AMPH: variants seen among roughly 807,000 people sequenced by gnomAD.
The protein encoded by AMPH is amphiphysin (Stiff-Mann syndrome with breast cancer 128kD autoantigen).
A neutral mutation model predicts 99.1 loss-of-function variants in AMPH; 49 were observed. That is an observed-to-expected ratio of 0.49 (90% CI 0.39 to 0.63). AMPH has a LOEUF of 0.63. Among genes scored for constraint, AMPH ranks in the 20% least tolerant of loss-of-function variants. The probability of loss-of-function intolerance (pLI) is 0.00; values close to 1 mark genes in which losing one functional copy is unlikely to be tolerated. For synonymous variants in AMPH, 314 were observed against 317.3 expected, an observed-to-expected ratio of 0.99 and a Z score of 0.11; for missense variants, 759 against 863.4, an observed-to-expected ratio of 0.88 and a Z score of 1.52.
rs548832643 is a variant in AMPH, at chr7:38,488,571, A to G, written c.396+2479T>C. 6.6e-5 allele frequency among the ~76,000 whole-genome samples: 10 copies of G among 152,216 alleles called. No homozygotes were observed. In the South Asian group the frequency reaches 2.1e-3, roughly 32 times the overall value. On this transcript the variant is annotated intron_variant, in intron 5 of 20. Transcript: ENST00000356264. The stretch of plus-strand genomic sequence containing the variant: ...GCCTTAGGAGAAATACCTAATGCAG[A>G]TGATGCGTTGATGGGTGCGGCAAAC...
chr7:38,590,402 G>A (rs2129057780), intron 1 of AMPH, among the ~76,000 whole-genome samples: 1 of 152,286 alleles, frequency 6.6e-6, no homozygotes, highest in Non-Finnish European at 1.5e-5. Flanking sequence ...CAGCAGTGGT[G>A]GATGGTGAGT....
At chr7:38,449,031 G>T (rs1372439066) in intron 11 of AMPH, among the ~76,000 whole-genome samples, 2 of 152,160 alleles carry the variant, frequency 1.3e-5, no homozygotes, top group Admixed American at 6.5e-5. Context: ...AAGGAAGAGG[G>T]ATAGGGCCTA....
chr7:38,475,194 C>T (rs1788036046), intron 7 of AMPH, 137 bp downstream of exon 7: 2 of 593,390 alleles, frequency 3.4e-6, no homozygotes, highest in Admixed American at 3.1e-5. Flanking sequence ...AGCTACCATA[C>T]TGGAAAGCGC....
intron 1 of AMPH, among the ~76,000 whole-genome samples, chr7:38,594,171 G>A (rs571532164): frequency 3.3e-5 from 5 of 152,260 alleles, no homozygotes; most frequent in Middle Eastern, 3.4e-3. Flanking sequence ...AGGAGCGATC[G>A]AATTCCAGGT....
intron 2 of AMPH, among the ~76,000 whole-genome samples, chr7:38,516,757 G>A (rs1004615413): frequency 2.6e-5 from 4 of 152,310 alleles, no homozygotes; most frequent in Non-Finnish European, 4.4e-5. Context: ...AACACCAGCC[G>A]ATGAAAGCAG....
chr7:38,529,163 T>C (rs1790301130), intron 2 of AMPH, among the ~76,000 whole-genome samples: 1 of 152,326 alleles, frequency 6.6e-6, no homozygotes, highest in Non-Finnish European at 1.5e-5. Flanking sequence ...ATCATGCCTG[T>C]TAAATATCAG....
At chr7:38,515,237 T>C (rs1216655118) in intron 2 of AMPH, among the ~76,000 whole-genome samples, 4 of 152,166 alleles carry the variant, frequency 2.6e-5, no homozygotes, top group African/African-American at 9.7e-5. Context: ...TTGAGGGTGA[T>C]TGATATGGTG....
chr7:38,517,855 A>G (rs902113535), intron 2 of AMPH, among the ~76,000 whole-genome samples: 1 of 152,228 alleles, frequency 6.6e-6, no homozygotes, highest in Non-Finnish European at 1.5e-5. Context: ...ATTAATATGA[A>G]CAAAAAGAAG....
intron 2 of AMPH, among the ~76,000 whole-genome samples, chr7:38,511,901 G>T (rs1300350919): frequency 6.6e-6 from 1 of 152,172 alleles, no homozygotes; most frequent in East Asian, 1.9e-4. Context: ...TTTATTATAT[G>T]TGTGCAATCT....
At position 38,495,277 on chromosome 7, in the gene AMPH, A is replaced by G. The variant is rs1054781141; in HGVS notation, c.206-750T>C. On this transcript the variant is annotated intron_variant, in intron 3 of 20. Coordinates refer to ENST00000356264, the MANE Select transcript of AMPH (RefSeq NM_001635.4). ...TCACAAAACTTCTAACTAAATGTCAAAACACTTCTAATATTGAACATTGAA... is the reference window on the plus strand; with the variant it reads ...TCACAAAACTTCTAACTAAATGTCAGAACACTTCTAATATTGAACATTGAA... Among the ~76,000 whole-genome samples the G allele has an allele frequency of 1.3e-5, 2 of 152,218 alleles. 1 individual carries two copies. The highest frequency in any genetic ancestry group is 2.9e-5 in the Non-Finnish European group (2 of 68,048).
At chr7:38,398,609 A>G (rs1171579956) in intron 17 of AMPH, among the ~76,000 whole-genome samples, 1 of 152,212 alleles carries the variant, frequency 6.6e-6, no homozygotes, top group African/African-American at 2.4e-5. Flanking sequence ...AAGAATAAAT[A>G]AGACCTAGTA....
intron 9 of AMPH, among the ~76,000 whole-genome samples, chr7:38,464,314 T>C (rs183474836): frequency 6.6e-6 from 1 of 152,328 alleles, no homozygotes; most frequent in Admixed American, 6.5e-5. Flanking sequence ...TCTTCCTTCG[T>C]GCCTAGCCCC....
At chr7:38,408,449 T>G (rs1785114677) in intron 17 of AMPH, among the ~76,000 whole-genome samples, 1 of 152,102 alleles carries the variant, frequency 6.6e-6, no homozygotes. Flanking sequence ...CAAGAAGAGT[T>G]TGGTTTGATA....
At chr7:38,584,552 G>A (rs1792578697) in intron 1 of AMPH, among the ~76,000 whole-genome samples, 1 of 152,142 alleles carries the variant, frequency 6.6e-6, no homozygotes, top group Non-Finnish European at 1.5e-5. Context: ...CAGTTATTCT[G>A]CCAAAAATCA....
chr7:38,570,314 C>G (rs925952463), intron 1 of AMPH, among the ~76,000 whole-genome samples: 3 of 152,086 alleles, frequency 2.0e-5, no homozygotes, highest in African/African-American at 7.2e-5. Context: ...TATGATCATC[C>G]AGAAACCTCC....
chr7:38,605,925 GC>G (rs1793420813), intron 1 of AMPH, among the ~76,000 whole-genome samples: 1 of 152,128 alleles, frequency 6.6e-6, no homozygotes, highest in East Asian at 1.9e-4. Flanking sequence ...AGGAAAGAAA[GC>G]CCCTCAGTGC....
At chr7:38,471,449 T>C (rs1048459508) in intron 7 of AMPH, among the ~76,000 whole-genome samples, 11 of 152,270 alleles carry the variant, frequency 7.2e-5, no homozygotes, top group African/African-American at 2.6e-4. Context: ...TGAACCTGCA[T>C]CCCCCTCTAA....
At chr7:38,502,155 T>G (rs1789161547) in intron 3 of AMPH, among the ~76,000 whole-genome samples, 1 of 152,194 alleles carries the variant, frequency 6.6e-6, no homozygotes, top group African/African-American at 2.4e-5. Context: ...AATGGTGTTT[T>G]TAAAAAACAT....
intron 1 of AMPH, among the ~76,000 whole-genome samples, chr7:38,620,935 A>G (rs1794037505): frequency 6.6e-6 from 1 of 152,138 alleles, no homozygotes; most frequent in Non-Finnish European, 1.5e-5. Context: ...CAAACGAGGG[A>G]CTGCTACCAC....
Sources: allele counts gnomAD v4.1 joint callset (sites outside exome capture counted in the v4.1 genomes callset), GRCh38; gene constraint gnomAD v4.1.1; transcripts MANE v1.5; gene names NCBI Gene and HGNC (gene_info 2026-07-23, HGNC 2026-07-21).